Variants in PXDNL observed in about 807,000 individuals in gnomAD.
PXDNL encodes the protein probable oxidoreductase PXDNL.
PXDNL carries 145 observed loss-of-function variants against 150.8 expected under a neutral mutation model. The ratio of observed to expected loss-of-function variants is 0.96; its 90% CI spans 0.84 to 1.10. The LOEUF (loss-of-function observed/expected upper bound fraction) is 1.10. PXDNL is among the 50% of genes least tolerant of loss of function. The pLI is 0.00. For synonymous variants in PXDNL, 757 were observed against 725.7 expected (o/e 1.04, Z -0.69); for missense variants, 2,087 against 1,873.9 (o/e 1.11, Z -2.10).
chr8:51,577,902 A>G (rs1236590474), intron 3 of PXDNL, among the ~76,000 whole-genome samples: 5 of 138,678 alleles, frequency 3.6e-5, no homozygotes, highest in Non-Finnish European at 7.6e-5. Flanking sequence ...CAAATAAGAA[A>G]GAAAGAGAAA....
chr8:51,403,878 G>C (rs1398799167), intron 17 of PXDNL, among the ~76,000 whole-genome samples: 1 of 152,222 alleles, frequency 6.6e-6, no homozygotes, highest in Admixed American at 6.5e-5. Context: ...CCCTCACGGT[G>C]AGTGTTACAG....
chr8:51,493,028 C>G (rs574670748), intron 5 of PXDNL, among the ~76,000 whole-genome samples: 15 of 152,254 alleles, frequency 9.9e-5, no homozygotes, highest in African/African-American at 3.6e-4. Context: ...TGGGAGGCAC[C>G]CCCCAGTAGG....
chr8:51,397,917 C>A (rs1808136693), intron 17 of PXDNL, among the ~76,000 whole-genome samples: 1 of 152,120 alleles, frequency 6.6e-6, no homozygotes, highest in South Asian at 2.1e-4. Flanking sequence ...CCACCCACCC[C>A]ACAACAGGCC....
chr8:51,323,572 A>G (rs1305577411), intron 21 of PXDNL, among the ~76,000 whole-genome samples: 4 of 152,158 alleles, frequency 2.6e-5, no homozygotes, highest in Non-Finnish European at 5.9e-5. Flanking sequence ...TACAGGCTTA[A>G]ACCACCACAC....
At position 51,409,421 on chromosome 8, in the gene PXDNL, T is replaced by C. The variant is rs754084647; in HGVS notation, c.2203A>G (p.Asn735Asp). ...CCCCACGTGGGCTGCTGCAGGTTGT[T>C]GCACGTGCCGTCGTGGGCGCGGTAC... ...AKYRAHDGTC[N>D]NLQQPTWGAA... Residue 735 changes from asparagine to aspartate, a missense_variant, in exon 17 of 23, where the codon AAC becomes GAC. Asn to Asp is a conservative substitution (Grantham distance 23). Transcript: ENST00000356297. 5 of 1,612,100 alleles carry C rather than the reference T, an allele frequency of 3.1e-6. No individual in the cohort carries two copies. Among genetic ancestry groups the C allele is most frequent in the Non-Finnish European group, 4.2e-6 (5 of 1,179,572 alleles).
At chr8:51,477,412 G>A (rs868263963) in intron 6 of PXDNL, among the ~76,000 whole-genome samples, 5 of 152,312 alleles carry the variant, frequency 3.3e-5, no homozygotes, top group Middle Eastern at 6.8e-3. Flanking sequence ...AGCCTTGTCG[G>A]GAGTGAGGTG....
At chr8:51,724,258 C>T (rs965172182) in intron 1 of PXDNL, among the ~76,000 whole-genome samples, 28 of 151,842 alleles carry the variant, frequency 1.8e-4, no homozygotes, top group African/African-American at 4.8e-4. Context: ...ACAAAGGGAG[C>T]GTATGTAGAG....
chr8:51,804,339 T>A (rs1585763524), intron 1 of PXDNL, among the ~76,000 whole-genome samples: 1 of 152,194 alleles, frequency 6.6e-6, no homozygotes, highest in African/African-American at 2.4e-5. Flanking sequence ...GGGAGGAAGG[T>A]TGGCCCTAAG....
chr8:51,796,485 A>C (rs1489915491), intron 1 of PXDNL, among the ~76,000 whole-genome samples: 1 of 152,170 alleles, frequency 6.6e-6, no homozygotes, highest in Non-Finnish European at 1.5e-5. Context: ...AAAATGACAA[A>C]GGGGTTATCA....
chr8:51,528,553 A>G (rs1218101895), intron 4 of PXDNL, among the ~76,000 whole-genome samples: 1 of 152,190 alleles, frequency 6.6e-6, no homozygotes, highest in Non-Finnish European at 1.5e-5. Flanking sequence ...TTCCATGACA[A>G]AAGGGACTTT....
chr8:51,608,043 A>AAGAAAGAC lies in PXDNL; in HGVS notation c.237-15346_237-15345insGTCTTTCT, dbSNP rs1813891416. 2.4e-5 allele frequency among the ~76,000 whole-genome samples: 3 copies of AAGAAAGAC among 127,470 alleles called. No homozygotes were observed. The South Asian group carries it at 7.3e-4, about 31-fold the overall frequency. 83.6% of individuals were successfully genotyped at this position (127,470 alleles called of 152,430 possible). A position where few individuals can be genotyped will look rare whatever the true frequency, so the allele number is the denominator to read the frequency against. ...AAAGAAAGAAAGAAAGAAAGAAAGAAAGAAAGAAAGAAAGCAAGCAAGCAA... is the reference window on the plus strand; with the variant it reads ...AAAGAAAGAAAGAAAGAAAGAAAGAAAGAAAGACAGAAAGAAAGAAAGCAAGCAAGCAA... On this transcript the variant is annotated intron_variant, in intron 2 of 22. Coordinates refer to ENST00000356297, the MANE Select transcript of PXDNL (RefSeq NM_144651.5).
intron 3 of PXDNL, among the ~76,000 whole-genome samples, chr8:51,580,122 G>A (rs1164058156): frequency 6.6e-6 from 1 of 152,012 alleles, no homozygotes; most frequent in Non-Finnish European, 1.5e-5. Flanking sequence ...TGGAAATGGA[G>A]AATTGACTGG....
At chr8:51,639,300 G>C (rs1233406710) in intron 2 of PXDNL, among the ~76,000 whole-genome samples, 1 of 152,104 alleles carries the variant, frequency 6.6e-6, no homozygotes, top group African/African-American at 2.4e-5. Context: ...AACTAGAAAA[G>C]CACGAGCAAA....
intron 3 of PXDNL, among the ~76,000 whole-genome samples, chr8:51,578,948 A>G (rs1050917250): frequency 6.6e-6 from 1 of 152,024 alleles, no homozygotes; most frequent in African/African-American, 2.4e-5. Flanking sequence ...CCTTTTACAA[A>G]AACTAACTCT....
intron 4 of PXDNL, among the ~76,000 whole-genome samples, chr8:51,528,317 T>C (rs1486706871): frequency 1.3e-5 from 2 of 152,224 alleles, no homozygotes; most frequent in Admixed American, 1.3e-4. Context: ...GTGTTCACCA[T>C]AGTGCTATTT....
chr8:51,391,971 C>T (rs920180519), intron 17 of PXDNL, among the ~76,000 whole-genome samples: 14 of 152,310 alleles, frequency 9.2e-5, no homozygotes, highest in Middle Eastern at 6.8e-3. Flanking sequence ...AGCCAGTTTT[C>T]CCAGCACCAT....
chr8:51,404,134 G>T (rs1808362599), intron 17 of PXDNL, among the ~76,000 whole-genome samples: 1 of 152,212 alleles, frequency 6.6e-6, no homozygotes, highest in Non-Finnish European at 1.5e-5. Flanking sequence ...TACCCTTGGG[G>T]TGAGTGTTTC....
intron 3 of PXDNL, among the ~76,000 whole-genome samples, chr8:51,558,875 T>C (rs1311722063): frequency 6.6e-6 from 1 of 151,752 alleles, no homozygotes; most frequent in Admixed American, 6.6e-5. Context: ...GATAGCAGAG[T>C]TTGCAGCAGA....
At chr8:51,546,682 C>T (rs1812367345) in intron 4 of PXDNL, among the ~76,000 whole-genome samples, 1 of 152,168 alleles carries the variant, frequency 6.6e-6, no homozygotes, top group African/African-American at 2.4e-5. Flanking sequence ...GCGGATGGTG[C>T]AGGCAGGCAG....
Sources: allele counts gnomAD v4.1 joint callset (sites outside exome capture counted in the v4.1 genomes callset), GRCh38; gene constraint gnomAD v4.1.1; transcripts MANE v1.5; gene names NCBI Gene and HGNC (gene_info 2026-07-23, HGNC 2026-07-21).